KIF18A: variants seen among roughly 807,000 people sequenced by gnomAD.
The protein encoded by KIF18A is kinesin-like protein KIF18A.
Under a neutral mutation model 103.3 loss-of-function variants are expected in KIF18A, and 67 were observed. The ratio of observed to expected loss-of-function variants is 0.65; its 90% CI spans 0.53 to 0.79. KIF18A has a LOEUF of 0.79. Ranked by LOEUF, KIF18A falls within the 30% of genes least tolerant of loss-of-function variation. KIF18A has a pLI of 0.00. For missense variants in KIF18A, 1,032 were observed against 1,062.5 expected (o/e 0.97, Z 0.40); for synonymous variants, 367 against 355.5 (o/e 1.03, Z -0.36).
intron 13 of KIF18A, among the ~76,000 whole-genome samples, chr11:28,052,481 T>C (rs1850723679): frequency 6.6e-6 from 1 of 151,956 alleles, no homozygotes; most frequent in African/African-American, 2.4e-5. Context: ...TTTTGCACTG[T>C]GATTGTGTCC....
At chr11:28,082,997 A>G (rs763821161) in intron 8 of KIF18A, 29 bp from the exon 9 acceptor site, 4 of 1,489,586 alleles carry the variant, frequency 2.7e-6, no homozygotes, top group Non-Finnish European at 2.7e-6. Flanking sequence ...TAGTTAAAAT[A>G]CAAAAGAAGT....
At chr11:28,043,808 G>A (rs1479225071) in intron 13 of KIF18A, among the ~76,000 whole-genome samples, 1 of 151,266 alleles carries the variant, frequency 6.6e-6, no homozygotes, top group East Asian at 1.9e-4. Flanking sequence ...GTTAACACAG[G>A]TTTATAGCTC....
At position 28,051,267 on chromosome 11, in the gene KIF18A, T is replaced by C. The variant is rs181594001; in HGVS notation, c.1948+7659A>G. Among the ~76,000 whole-genome samples, 10 of 151,902 alleles carry C rather than the reference T, an allele frequency of 6.6e-5. No homozygotes were observed. The East Asian group carries it at 1.7e-3, about 26-fold the overall frequency. ...CAGACAAAGAATAATGAAGAAGGGC[T>C]AGCATACTATATAAAAAAAACTATA... On this transcript the variant is annotated intron_variant, in intron 13 of 16. Transcript: ENST00000263181.
At chr11:28,081,315 T>C (rs1851162567) in intron 9 of KIF18A, among the ~76,000 whole-genome samples, 1 of 152,126 alleles carries the variant, frequency 6.6e-6, no homozygotes, top group Non-Finnish European at 1.5e-5. Flanking sequence ...CCTTCATATC[T>C]AGAGAGAAGT....
chr11:28,090,749 C>A, intron 4 of KIF18A, 22 bp from the exon 5 acceptor site: 2 of 1,223,300 alleles, frequency 1.6e-6, no homozygotes, highest in Non-Finnish European at 2.4e-6. Context: ...TAAGTAGAAG[C>A]AAAATTTAAA....
At chr11:28,046,119 T>C (rs1026626939) in intron 13 of KIF18A, among the ~76,000 whole-genome samples, 6 of 151,792 alleles carry the variant, frequency 4.0e-5, no homozygotes, top group African/African-American at 1.5e-4. Context: ...GTTCAACCAT[T>C]GTGGAAGTCA....
chr11:28,091,212 T>A (rs888446551), intron 4 of KIF18A, among the ~76,000 whole-genome samples, 197 bp downstream of exon 4: 1 of 151,904 alleles, frequency 6.6e-6, no homozygotes, highest in African/African-American at 2.4e-5. Flanking sequence ...AAATAAAATT[T>A]AAAAAATGTT....
At chr11:28,051,040 T>C (rs1850705493) in intron 13 of KIF18A, among the ~76,000 whole-genome samples, 1 of 151,834 alleles carries the variant, frequency 6.6e-6, no homozygotes, top group Non-Finnish European at 1.5e-5. Flanking sequence ...GTCAAATTTA[T>C]AAAACACTTA....
intron 1 of KIF18A, among the ~76,000 whole-genome samples, chr11:28,099,269 T>C (rs1362095284): frequency 6.6e-6 from 1 of 152,118 alleles, no homozygotes; most frequent in Non-Finnish European, 1.5e-5. Flanking sequence ...CTCACTTTTA[T>C]GCAGAATCTA....
chr11:28,058,754 G>A (rs1417467454), intron 13 of KIF18A, among the ~76,000 whole-genome samples, 172 bp downstream of exon 13: 1 of 147,342 alleles, frequency 6.8e-6, no homozygotes, highest in Non-Finnish European at 1.5e-5. Flanking sequence ...ATGCATACTT[G>A]TTCTAGATCT....
intron 13 of KIF18A, among the ~76,000 whole-genome samples, chr11:28,041,444 C>T (rs373618338): frequency 6.6e-6 from 1 of 151,340 alleles, no homozygotes; most frequent in African/African-American, 2.4e-5. Context: ...TTGTTGAGCT[C>T]GAGGAAAAGA....
At chr11:28,093,387 C>T (rs1851328110) in intron 3 of KIF18A, among the ~76,000 whole-genome samples, 1 of 152,026 alleles carries the variant, frequency 6.6e-6, no homozygotes, top group Admixed American at 6.5e-5. Context: ...TCAGTAGGGA[C>T]CAAACTACAA....
chr11:28,047,403 A>G (rs983787443), intron 13 of KIF18A, among the ~76,000 whole-genome samples: 3 of 152,170 alleles, frequency 2.0e-5, no homozygotes, highest in Non-Finnish European at 2.9e-5. Flanking sequence ...GGAATTATAT[A>G]GTTTAGCAAT....
rs912206496 is a variant in KIF18A, at chr11:28,091,459, G to A, written c.538C>T (p.Arg180Trp). The change falls in exon 4 of 17, where the codon CGG becomes TGG. Residue 180 changes from arginine to tryptophan, a missense_variant. Transcript: ENST00000263181. ...ACCACCCCTTTTTGGGTATCTTCCC[G>A]GACAGCAAGTGGCCCTGAATTTACT... The part of the protein sequence containing the change: ...LLVNSGPLAV[R>W]EDTQKGVVVH... The A allele has an allele frequency of 1.2e-6, 2 of 1,611,028 alleles. No individual in the cohort carries two copies. The highest frequency in any genetic ancestry group is 1.7e-5 in the Admixed American group (1 of 59,888).
intron 7 of KIF18A, among the ~76,000 whole-genome samples, chr11:28,083,944 G>C (rs1029697030): frequency 2.0e-5 from 3 of 152,044 alleles, no homozygotes; most frequent in African/African-American, 7.2e-5. Context: ...AGAGGGGAAA[G>C]GGAGAAGAGG....
At chr11:28,084,553 GAATT>G (rs1355989454) in intron 7 of KIF18A, 75 bp downstream of exon 7, 5 of 1,210,218 alleles carry the variant, frequency 4.1e-6, no homozygotes, top group African/African-American at 1.5e-5. Flanking sequence ...AACATAACCT[GAATT>G]AATACTTTCA....
Position 28,091,428 on chromosome 11 carries a change from T to A in KIF18A, c.569A>T (p.His190Leu), listed in dbSNP as rs917023149. The A allele has an allele frequency of 6.2e-7, 1 of 1,602,596 alleles. No individual in the cohort carries two copies. The highest frequency in any genetic ancestry group is 8.5e-7 in the Non-Finnish European group (1 of 1,170,320). The change falls in exon 4 of 17, where the codon CAT becomes CTT. Residue 190 changes from histidine to leucine, a missense_variant. Coordinates refer to ENST00000263181, the MANE Select transcript of KIF18A (RefSeq NM_031217.4). ...REDTQKGVVV[H>L]GLTLHQPKSS... The stretch of plus-strand genomic sequence containing the variant: ...ACATACCTGGTGTAAAGTAAGTCCA[T>A]GAACGACCACCCCTTTTTGGGTATC...
At chr11:28,092,770 C>A (rs1367091894) in intron 3 of KIF18A, among the ~76,000 whole-genome samples, 1 of 152,134 alleles carries the variant, frequency 6.6e-6, no homozygotes, top group Non-Finnish European at 1.5e-5. Flanking sequence ...CAATTCTCTA[C>A]AATGAATGAT....
At chr11:28,046,606 T>G (rs1850638029) in intron 13 of KIF18A, among the ~76,000 whole-genome samples, 3 of 137,928 alleles carry the variant, frequency 2.2e-5, no homozygotes, top group African/African-American at 5.4e-5. Flanking sequence ...AGATGACGAG[T>G]TAGTGGGTGC....
Sources: allele counts gnomAD v4.1 joint callset (sites outside exome capture counted in the v4.1 genomes callset), GRCh38; gene constraint gnomAD v4.1.1; transcripts MANE v1.5; gene names NCBI Gene and HGNC (gene_info 2026-07-23, HGNC 2026-07-21).